The following PC variants were observed in gnomAD, a reference collection of about 807,000 sequenced individuals.
PC encodes pyruvate carboxylase, mitochondrial.
Under a neutral mutation model 107.8 loss-of-function variants are expected in PC, and 46 were observed. The ratio of observed to expected loss-of-function variants is 0.43; its 90% CI spans 0.34 to 0.55. The LOEUF (loss-of-function observed/expected upper bound fraction) is 0.55. Among genes scored for constraint, PC ranks in the 20% least tolerant of loss-of-function variants. The pLI is 0.04. For synonymous variants in PC, 662 were observed against 684.7 expected (o/e 0.97, Z 0.52); for missense variants, 1,241 against 1,643.1 (o/e 0.76, Z 4.23).
intron 3 of PC, among the ~76,000 whole-genome samples, chr11:66,929,553 G>A (rs911397152): frequency 1.3e-5 from 2 of 152,102 alleles, no homozygotes; most frequent in African/African-American, 2.4e-5. Flanking sequence ...TTTTAGTAGA[G>A]ACAAGGTTTC....
chr11:66,950,394 C>T (rs902580931), intron 3 of PC, among the ~76,000 whole-genome samples: 4 of 152,230 alleles, frequency 2.6e-5, no homozygotes, highest in Non-Finnish European at 2.9e-5. Flanking sequence ...ACCTCTTTCT[C>T]TGGCCTCGAG....
chr11:66,850,632 G>T, intron 18 of PC, 42 bp downstream of exon 18: 1 of 1,602,902 alleles, frequency 6.2e-7, no homozygotes, highest in Non-Finnish European at 8.5e-7. Context: ...TGGTGGCTGC[G>T]GCTTTGAGAG....
chr11:66,858,119 C>T lies in PC; in HGVS notation c.1369-4736G>A. On this transcript the variant is annotated intron_variant, in intron 12 of 22. Transcript: ENST00000393960. The surrounding 1 kb of genome is among the most constrained non-coding windows in gnomAD (Gnocchi z 5.9). ...GGGGCCCCGTCAATCTGCAGCACCT[C>T]ATCCTCAGCGGCAACCAGCTGGGCC... 1 of 1,610,734 alleles carries T rather than the reference C, an allele frequency of 6.2e-7. No homozygotes were observed. The highest frequency in any genetic ancestry group is 8.5e-7 in the Non-Finnish European group (1 of 1,178,924).
At chr11:66,949,208 G>C (rs1052925833) in intron 3 of PC, among the ~76,000 whole-genome samples, 2 of 151,086 alleles carry the variant, frequency 1.3e-5, no homozygotes, top group African/African-American at 4.8e-5. Context: ...TGGCCAGGAT[G>C]GTCTCAATCT....
chr11:66,892,526 C>G (rs552655092), intron 3 of PC, among the ~76,000 whole-genome samples: 1 of 152,182 alleles, frequency 6.6e-6, no homozygotes, highest in Non-Finnish European at 1.5e-5. Flanking sequence ...TGAGTGCGAG[C>G]TGCATCAGAG....
At chr11:66,889,130 A>G (rs1289848493) in intron 3 of PC, among the ~76,000 whole-genome samples, 1 of 152,142 alleles carries the variant, frequency 6.6e-6, no homozygotes, top group African/African-American at 2.4e-5. Context: ...AAGTGTTTCT[A>G]TATAACCATG....
chr11:66,941,873 C>G (rs993971985), intron 3 of PC, among the ~76,000 whole-genome samples: 3 of 151,514 alleles, frequency 2.0e-5, no homozygotes, highest in Non-Finnish European at 4.4e-5. Flanking sequence ...GAGGCTGAGG[C>G]GGGCAGATCA....
chr11:66,907,271 T>C (rs998413549), intron 3 of PC, among the ~76,000 whole-genome samples: 2 of 152,318 alleles, frequency 1.3e-5, no homozygotes, highest in Non-Finnish European at 1.5e-5. Flanking sequence ...TTCACGCCTG[T>C]AATCCCAGCA....
At chr11:66,894,851 G>A (rs1186693186) in intron 3 of PC, among the ~76,000 whole-genome samples, 1 of 152,074 alleles carries the variant, frequency 6.6e-6, no homozygotes, top group Non-Finnish European at 1.5e-5. Context: ...GTGAAACCCC[G>A]TATCTACTAA....
intron 3 of PC, among the ~76,000 whole-genome samples, chr11:66,882,515 G>T (rs1947220110): frequency 6.6e-6 from 1 of 152,200 alleles, no homozygotes; most frequent in Non-Finnish European, 1.5e-5. Flanking sequence ...GTGTGCTGGA[G>T]AGCAGCAGAG....
chr11:66,927,044 G>A (rs1264962440), intron 3 of PC, among the ~76,000 whole-genome samples: 3 of 148,978 alleles, frequency 2.0e-5, no homozygotes, highest in South Asian at 4.4e-4. Context: ...AGGCTGGAGT[G>A]CAATGGCATG....
Position 66,853,267 on chromosome 11 carries a change from G to A in PC, c.1485C>T (p.Asn495=), listed in dbSNP as rs766290468. The A allele has an allele frequency of 2.5e-5, 40 of 1,613,946 alleles. No individual in the cohort carries two copies. Among genetic ancestry groups the A allele is most frequent in the Non-Finnish European group, 3.2e-5 (38 of 1,180,006 alleles). ...PELFQLRPAQ[N]RAQKLLHYLG... Reference sequence around the variant, plus strand: ...GGTAGTGCAACAGCTTTTGGGCCCGGTTCTGTGCAGGCCGCAGCTGGAACA... The same window carrying A: ...GGTAGTGCAACAGCTTTTGGGCCCGATTCTGTGCAGGCCGCAGCTGGAACA... Residue 495 remains asparagine (N), a synonymous_variant, in exon 13 of 23, where the codon AAC becomes AAT. Coordinates refer to ENST00000393960, the MANE Select transcript of PC (RefSeq NM_001040716.2).
chr11:66,884,184 C>T (rs966241928), intron 3 of PC, among the ~76,000 whole-genome samples: 3 of 148,968 alleles, frequency 2.0e-5, no homozygotes, highest in African/African-American at 2.5e-5. Flanking sequence ...GCAGAGGTTG[C>T]GGTGGGCTGA....
intron 3 of PC, among the ~76,000 whole-genome samples, chr11:66,924,538 C>T (rs1948670590): frequency 6.6e-6 from 1 of 152,136 alleles, no homozygotes. Flanking sequence ...ATAATCTCTG[C>T]TTCCCAGGTT....
At chr11:66,884,900 T>C (rs1452138566) in intron 3 of PC, among the ~76,000 whole-genome samples, 1 of 152,136 alleles carries the variant, frequency 6.6e-6, no homozygotes, top group African/African-American at 2.4e-5. Context: ...GGGAGGAAGA[T>C]GCCAGGACCC....
chr11:66,936,739 T>C (rs1949011134), intron 3 of PC, among the ~76,000 whole-genome samples: 1 of 152,174 alleles, frequency 6.6e-6, no homozygotes, highest in Admixed American at 6.5e-5. Context: ...ACCTATGTTT[T>C]TCACTCCCTA....
intron 3 of PC, among the ~76,000 whole-genome samples, chr11:66,938,278 G>A (rs1949047479): frequency 6.6e-6 from 1 of 151,978 alleles, no homozygotes; most frequent in South Asian, 2.1e-4. Flanking sequence ...GCAAGCCTTT[G>A]GTTAATTTCT....
chr11:66,917,819 G>A (rs1215332085), intron 3 of PC, among the ~76,000 whole-genome samples: 6 of 152,192 alleles, frequency 3.9e-5, no homozygotes, highest in African/African-American at 1.4e-4. Flanking sequence ...AGGCACCTGA[G>A]CCCAGCCTCA....
chr11:66,905,250 G>A (rs1705132644), intron 3 of PC, among the ~76,000 whole-genome samples: 1 of 152,260 alleles, frequency 6.6e-6, no homozygotes, highest in South Asian at 2.1e-4. Flanking sequence ...GGCAGGCCGA[G>A]CAGCTTAGGA....
Sources: gnomAD v4.1 joint callset for allele counts (sites outside exome capture counted in the v4.1 genomes callset) on GRCh38, gnomAD v4.1.1 for gene constraint, Gnocchi (gnomAD v3.1) non-coding constraint, MANE v1.5 for transcripts, NCBI Gene and HGNC (gene_info 2026-07-23, HGNC 2026-07-21) for gene names.